Variants in STX3 observed in about 807,000 individuals in gnomAD.
The protein encoded by STX3 is syntaxin 3, also known as syntaxin-3.
Under a neutral mutation model 40.2 loss-of-function variants are expected in STX3, and 19 were observed. The observed-to-expected ratio is 0.47, with a 90% CI of 0.33 to 0.69. The LOEUF (loss-of-function observed/expected upper bound fraction) is 0.69, where lower values mean the gene tolerates loss of function less well. Ranked by LOEUF, STX3 falls within the 30% of genes least tolerant of loss-of-function variation. STX3 has a pLI of 0.02. For synonymous variants in STX3, 122 were observed against 132.2 expected, an observed-to-expected ratio of 0.92 and a Z score of 0.53; for missense variants, 364 against 366.7, an observed-to-expected ratio of 0.99 and a Z score of 0.06.
At position 59,801,607 on chromosome 11, in the gene STX3, C is replaced by T; in HGVS notation, c.*783C>T. 1.0e-6 allele frequency: 1 copy of T among 985,446 alleles called. No homozygotes were observed. The highest frequency in any genetic ancestry group is 1.2e-6 in the Non-Finnish European group (1 of 829,926). 61.0% of individuals were successfully genotyped at this position (985,446 alleles called of 1,614,324 possible). A position where few individuals can be genotyped will look rare whatever the true frequency, so the allele number is the denominator to read the frequency against. On this transcript the variant is annotated 3_prime_UTR_variant, in exon 11 of 11. Transcript: ENST00000337979. The stretch of plus-strand genomic sequence containing the variant: ...GGCTGCTCATTGTTAGAAAGTGATG[C>T]TTTGTGAGACTATTGTCTTGGGGCC...
At chr11:59,793,536 C>T (rs375117270) in intron 8 of STX3, 22 bp downstream of exon 8, 19 of 1,604,554 alleles carry the variant, frequency 1.2e-5, no homozygotes, top group Admixed American at 6.7e-5. Context: ...TGAGTCCCAG[C>T]GTGGGGAGGG....
intron 2 of STX3, among the ~76,000 whole-genome samples, chr11:59,775,934 C>A (rs1863942068): frequency 6.6e-6 from 1 of 152,218 alleles, no homozygotes; most frequent in African/African-American, 2.4e-5. Flanking sequence ...GAATTAAATT[C>A]CATATCTGCC....
In STX3 at chr11:59,778,703, T is replaced by TA. The variant is rs1348919897; in HGVS notation, c.114+5410dup. On this transcript the variant is annotated intron_variant, in intron 2 of 10. Coordinates refer to ENST00000337979, the MANE Select transcript of STX3 (RefSeq NM_004177.5). ...TGGAAACTTAAAATGCACGTTAACT[T>TA]ATTGAAAGCTCTAAGAAGTCCTGTA... Among the ~76,000 whole-genome samples, 4 of 152,324 alleles carry TA rather than the reference T, an allele frequency of 2.6e-5. No homozygotes were observed. In the East Asian group the frequency reaches 7.7e-4, roughly 29 times the overall value.
chr11:59,781,718 C>T (rs58169611), intron 2 of STX3: 109,175 of 1,591,592 alleles, frequency 0.069, 4,844 homozygotes, highest in African/African-American at 0.2. Flanking sequence ...GAACTGTGGC[C>T]ATGGTGGGTG....
At chr11:59,764,487 G>C (rs1863189388) in intron 1 of STX3, among the ~76,000 whole-genome samples, 1 of 152,186 alleles carries the variant, frequency 6.6e-6, no homozygotes, top group Admixed American at 6.5e-5. Context: ...TTTCAACTCT[G>C]TATCTCTGTA....
chr11:59,767,875 G>T (rs116558637), intron 1 of STX3, among the ~76,000 whole-genome samples: 1 of 152,038 alleles, frequency 6.6e-6, no homozygotes, highest in African/African-American at 2.4e-5. Context: ...CAACCTCAAC[G>T]TTTCCCTTTT....
chr11:59,800,371 T>C lies in STX3; in HGVS notation c.*31-484T>C, dbSNP rs947539741. 1.0e-5 allele frequency: 10 copies of C among 985,200 alleles called. No individual in the cohort carries two copies. In the African/African-American group the frequency reaches 1.7e-4, roughly 17 times the overall value. The allele number at this position is 985,200 out of a possible 1,614,324, so 61.0% of individuals were successfully genotyped here. A position where few individuals can be genotyped will look rare whatever the true frequency, so the allele number is the denominator to read the frequency against. ...GGAAAGAGCAATGAAGTTAAGGAAC[T>C]TGCCCAAGACTACATAGCTCATAAG... On this transcript the variant is annotated intron_variant, in intron 10 of 10. Transcript: ENST00000337979.
chr11:59,791,466 G>C (rs1032635650), intron 5 of STX3, among the ~76,000 whole-genome samples: 2 of 152,156 alleles, frequency 1.3e-5, no homozygotes, highest in Admixed American at 1.3e-4. Context: ...TTTACAAGTG[G>C]GAAAGAAGCA....
chr11:59,768,419 G>A (rs1360519890), intron 1 of STX3, among the ~76,000 whole-genome samples: 1 of 152,208 alleles, frequency 6.6e-6, no homozygotes, highest in Non-Finnish European at 1.5e-5. Context: ...GGCAAGTTTT[G>A]TGGGAGAAAT....
intron 2 of STX3, among the ~76,000 whole-genome samples, chr11:59,778,292 A>G (rs982555188): frequency 2.0e-5 from 3 of 152,188 alleles, no homozygotes; most frequent in Non-Finnish European, 4.4e-5. Context: ...GAAAGGGTGC[A>G]GCTAGAAAAG....
intron 5 of STX3, among the ~76,000 whole-genome samples, chr11:59,791,246 A>G (rs1216477876): frequency 2.0e-5 from 3 of 152,144 alleles, no homozygotes; most frequent in African/African-American, 7.2e-5. Flanking sequence ...GGTAGACGTA[A>G]GGGGCAGACG....
chr11:59,803,260 A>G lies in STX3; in HGVS notation c.*2436A>G. 8.1e-7 allele frequency: 1 copy of G among 1,231,710 alleles called. No homozygotes were observed. The highest frequency in any genetic ancestry group is 1.0e-6 in the Non-Finnish European group (1 of 987,962). The allele number at this position is 1,231,710 out of a possible 1,614,324, so 76.3% of individuals were successfully genotyped here. Reference sequence around the variant, plus strand: ...GATCTGCTGTATTATCCTTGCGATCATCTTAGCTTCCACCATTGGGAGCAT... The same window carrying G: ...GATCTGCTGTATTATCCTTGCGATCGTCTTAGCTTCCACCATTGGGAGCAT... On this transcript the variant is annotated 3_prime_UTR_variant, in exon 11 of 11. Transcript: ENST00000337979.
intron 1 of STX3, among the ~76,000 whole-genome samples, chr11:59,756,283 G>A (rs148048146): frequency 4.8e-4 from 73 of 152,282 alleles, no homozygotes; most frequent in Middle Eastern, 3.4e-3. Flanking sequence ...CTTACTGTGA[G>A]TCTCTGTTTC....
At chr11:59,771,402 C>T (rs2134914117) in intron 1 of STX3, among the ~76,000 whole-genome samples, 2 of 119,408 alleles carry the variant, frequency 1.7e-5, no homozygotes, top group South Asian at 2.7e-4. Context: ...GTCCCCCCAC[C>T]TCCCCCCCCC....
At chr11:59,765,902 A>C (rs560436119) in intron 1 of STX3, among the ~76,000 whole-genome samples, 3 of 152,236 alleles carry the variant, frequency 2.0e-5, no homozygotes, top group Non-Finnish European at 2.9e-5. Context: ...ATAAAGAAGC[A>C]TCTGTGTCTC....
intron 4 of STX3, among the ~76,000 whole-genome samples, chr11:59,790,004 A>G (rs551103481): frequency 1.3e-5 from 2 of 152,242 alleles, no homozygotes; most frequent in Non-Finnish European, 2.9e-5. Flanking sequence ...AAGAGAAAGC[A>G]TTATTGCTCA....
At chr11:59,796,485 G>A (rs1865524890) in intron 9 of STX3, among the ~76,000 whole-genome samples, 1 of 152,190 alleles carries the variant, frequency 6.6e-6, no homozygotes, top group Non-Finnish European at 1.5e-5. Flanking sequence ...GCTTATGCAG[G>A]GATTTAGGGG....
chr11:59,773,842 C>A (rs763960473), intron 2 of STX3, among the ~76,000 whole-genome samples: 1 of 152,002 alleles, frequency 6.6e-6, no homozygotes, highest in Non-Finnish European at 1.5e-5. Context: ...TAGCCAGGCA[C>A]ACCTGTAATC....
Position 59,802,563 on chromosome 11 carries a change from CT to C in STX3, c.*1740del. ...GAGACAAAATAACTAAAGGCCTTTG[CT>C]CTCCTCTGACATTGAGGCCTGGGGC... On this transcript the variant is annotated 3_prime_UTR_variant, in exon 11 of 11. Transcript: ENST00000337979. The C allele has an allele frequency of 1.0e-6, 1 of 985,868 alleles. No individual in the cohort carries two copies. Among genetic ancestry groups the C allele is most frequent in the East Asian group, 1.1e-4 (1 of 8,824 alleles). The allele number at this position is 985,868 out of a possible 1,614,324, so 61.1% of individuals were successfully genotyped here.
Sources: allele counts gnomAD v4.1 joint callset (sites outside exome capture counted in the v4.1 genomes callset), GRCh38; gene constraint gnomAD v4.1.1; transcripts MANE v1.5; gene names NCBI Gene and HGNC (gene_info 2026-07-23, HGNC 2026-07-21).